The following RALY variants were observed in gnomAD, a reference collection of about 807,000 sequenced individuals.
RALY encodes RNA-binding protein Raly.
In RALY, 15 loss-of-function variants were observed where a neutral mutation model predicts 30.7. The ratio of observed to expected loss-of-function variants is 0.49; its 90% CI spans 0.33 to 0.75. The LOEUF is 0.75. RALY is among the 30% of genes least tolerant of loss of function. The pLI is 0.02. For synonymous variants in RALY, 177 were observed against 170.8 expected (o/e 1.04, Z -0.28); for missense variants, 339 against 414.3 (o/e 0.82, Z 1.58).
intron 9 of RALY, 25 bp downstream of exon 9, chr20:34,078,578 C>T: frequency 6.5e-7 from 1 of 1,531,838 alleles, no homozygotes; most frequent in Non-Finnish European, 8.8e-7. Context: ...TCCTGATGGG[C>T]AGAGGGTGGG....
chr20:34,023,688 C>A (rs1174623084), intron 1 of RALY, among the ~76,000 whole-genome samples: 10 of 151,984 alleles, frequency 6.6e-5, no homozygotes, highest in African/African-American at 2.4e-4. Context: ...GAAAGTGAAG[C>A]CTTATGGTCA....
chr20:34,067,816 CTT>C (rs11480087), intron 2 of RALY, among the ~76,000 whole-genome samples: 115 of 132,652 alleles, frequency 8.7e-4, no homozygotes, highest in African/African-American at 2.9e-3. Flanking sequence ...TTTCTTTTTT[CTT>C]TTTTTTTTTT....
Position 33,994,034 on chromosome 20 carries a change from C to T in RALY, c.-190C>T, listed in dbSNP as rs1172942855. 1 of 152,286 alleles carries T rather than the reference C, an allele frequency of 6.6e-6. No individual in the cohort carries two copies. The highest frequency in any genetic ancestry group is 1.5e-5 in the Non-Finnish European group (1 of 68,116). The allele number at this position is 152,286 out of a possible 1,614,324, so 9.4% of individuals were successfully genotyped here. A position where few individuals can be genotyped will look rare whatever the true frequency, so the allele number is the denominator to read the frequency against. On this transcript the variant is annotated 5_prime_UTR_variant, in exon 1 of 10. Transcript: ENST00000246194. Reference sequence around the variant, plus strand: ...CCCGCGCGTGTGCCCAGCCTCTTCCCGCCGCAGCCGCCCTTTTCCTCCCTC... The same window carrying T: ...CCCGCGCGTGTGCCCAGCCTCTTCCTGCCGCAGCCGCCCTTTTCCTCCCTC...
intron 2 of RALY, among the ~76,000 whole-genome samples, chr20:34,051,400 T>C (rs2033072742): frequency 6.6e-6 from 1 of 152,208 alleles, no homozygotes; most frequent in Non-Finnish European, 1.5e-5. Context: ...ACTTGGCCTC[T>C]CTGAGCTCAG....
chr20:33,993,978 G>T lies in RALY; in HGVS notation c.-246G>T, dbSNP rs559194679. 6.6e-6 allele frequency: 1 copy of T among 151,968 alleles called. No individual in the cohort carries two copies. Among genetic ancestry groups the T allele is most frequent in the Non-Finnish European group, 1.5e-5 (1 of 67,938 alleles). 9.4% of individuals were successfully genotyped at this position (151,968 alleles called of 1,614,324 possible). A position where few individuals can be genotyped will look rare whatever the true frequency, so the allele number is the denominator to read the frequency against. On this transcript the variant is annotated 5_prime_UTR_variant, in exon 1 of 10. Coordinates refer to ENST00000246194, the MANE Select transcript of RALY (RefSeq NM_016732.3). ...CGGAACCCAGAGAAGCTGAGGGGGC[G>T]GTAGCGGCGGCGACGGCGACGACGA... is the stretch of plus-strand genomic sequence containing the variant.
chr20:34,037,002 T>C (rs940314910), intron 2 of RALY, among the ~76,000 whole-genome samples: 4 of 152,248 alleles, frequency 2.6e-5, no homozygotes, highest in Non-Finnish European at 5.9e-5. Context: ...TCTAGTTTGC[T>C]CTTTTCTAGT....
intron 1 of RALY, among the ~76,000 whole-genome samples, chr20:33,995,692 A>G (rs937518121): frequency 6.6e-6 from 1 of 152,146 alleles, no homozygotes; most frequent in African/African-American, 2.4e-5. Flanking sequence ...GGGAGCTGAA[A>G]GGGGTCTTAC....
intron 2 of RALY, 128 bp from the exon 3 acceptor site, chr20:34,071,938 A>AT: frequency 9.5e-7 from 1 of 1,054,522 alleles, no homozygotes; most frequent in Non-Finnish European, 1.4e-6. Context: ...AAGATGCAGG[A>AT]ACAGGTAGGC....
intron 1 of RALY, among the ~76,000 whole-genome samples, chr20:34,026,967 G>A (rs1372435840): frequency 6.6e-6 from 1 of 152,056 alleles, no homozygotes; most frequent in East Asian, 1.9e-4. Context: ...AGATACTTAG[G>A]CTGACACAGA....
At chr20:34,035,687 G>A (rs984227992) in intron 2 of RALY, among the ~76,000 whole-genome samples, 1 of 152,096 alleles carries the variant, frequency 6.6e-6, no homozygotes, top group East Asian at 1.9e-4. Context: ...AGTGAGTATT[G>A]GAGTGTCTGT....
chr20:34,041,528 A>C (rs2032699784), intron 2 of RALY, among the ~76,000 whole-genome samples: 1 of 152,216 alleles, frequency 6.6e-6, no homozygotes. Context: ...CTCCACTTGC[A>C]AAAGGAGCAG....
chr20:34,047,408 C>A (rs1013800854), intron 2 of RALY, among the ~76,000 whole-genome samples: 5 of 152,136 alleles, frequency 3.3e-5, no homozygotes, highest in African/African-American at 1.2e-4. Flanking sequence ...GGATTATCTT[C>A]TAGGGATGGA....
intron 1 of RALY, among the ~76,000 whole-genome samples, chr20:34,023,693 T>C (rs2123063507): frequency 6.6e-6 from 1 of 152,174 alleles, no homozygotes; most frequent in Admixed American, 6.5e-5. Flanking sequence ...TGAAGCCTTA[T>C]GGTCAGCACT....
chr20:34,067,842 T>G (rs1254374566), intron 2 of RALY, among the ~76,000 whole-genome samples: 1 of 143,746 alleles, frequency 7.0e-6, no homozygotes, highest in Non-Finnish European at 1.5e-5. Context: ...TGAGACACTG[T>G]GCTCTCTCCC....
intron 2 of RALY, among the ~76,000 whole-genome samples, chr20:34,042,046 C>T (rs909634689): frequency 7.9e-5 from 12 of 152,018 alleles, no homozygotes; most frequent in Non-Finnish European, 1.2e-4. Context: ...GCCATCCCGG[C>T]GGGTGGAGGT....
At chr20:34,047,845 T>C (rs1389831981) in intron 2 of RALY, among the ~76,000 whole-genome samples, 2 of 152,154 alleles carry the variant, frequency 1.3e-5, no homozygotes, top group South Asian at 2.1e-4. Flanking sequence ...AAGGCCAGTA[T>C]CCCTAGGAGA....
rs188786170 is a variant in RALY at position 34,075,285 on chromosome 20, T to C, written c.378-589T>C. On this transcript the variant is annotated intron_variant, in intron 5 of 9. Coordinates refer to ENST00000246194, the MANE Select transcript of RALY (RefSeq NM_016732.3). ...GCCTCTGAGGTCATGGGTTCGTGAA[T>C]TGAGGGTCTCAGTACCCTGACCTTT... 1.6e-4 allele frequency among the ~76,000 whole-genome samples: 25 copies of C among 152,220 alleles called. No homozygotes were observed. In the East Asian group the frequency reaches 4.4e-3, roughly 27 times the overall value.
chr20:34,004,150 G>A (rs1174309678), intron 1 of RALY, among the ~76,000 whole-genome samples: 1 of 152,188 alleles, frequency 6.6e-6, no homozygotes, highest in Non-Finnish European at 1.5e-5. Flanking sequence ...AGTTCAGAAG[G>A]GGAAGAGATT....
At chr20:34,047,476 C>T (rs1391905201) in intron 2 of RALY, among the ~76,000 whole-genome samples, 5 of 152,162 alleles carry the variant, frequency 3.3e-5, no homozygotes, top group Admixed American at 2.0e-4. Flanking sequence ...CTTGCATGTG[C>T]CCGGGCAAAA....
Sources: gnomAD v4.1 joint callset for allele counts (sites outside exome capture counted in the v4.1 genomes callset) on GRCh38, gnomAD v4.1.1 for gene constraint, MANE v1.5 for transcripts, NCBI Gene and HGNC (gene_info 2026-07-23, HGNC 2026-07-21) for gene names.